Variants in MAPK1IP1L observed in about 807,000 individuals in gnomAD.
MAPK1IP1L encodes the protein mitogen-activated protein kinase 1 interacting protein 1 like.
In MAPK1IP1L, 10 loss-of-function variants were observed where a neutral mutation model predicts 18.1. The observed-to-expected ratio is 0.55, with a 90% confidence interval of 0.34 to 0.94. The LOEUF is 0.94. MAPK1IP1L is among the 40% of genes least tolerant of loss of function. MAPK1IP1L has a pLI of 0.02. For missense variants in MAPK1IP1L, 260 were observed against 318.2 expected (o/e 0.82, Z 1.39); for synonymous variants, 115 against 117.3 (o/e 0.98, Z 0.13).
chr14:55,054,300 C>A (rs2042753981), intron 1 of MAPK1IP1L, among the ~76,000 whole-genome samples: 1 of 151,122 alleles, frequency 6.6e-6, no homozygotes, highest in South Asian at 2.1e-4. Context: ...CCTTCCACCA[C>A]GCCCAGCTAA....
intron 1 of MAPK1IP1L, among the ~76,000 whole-genome samples, chr14:55,061,258 A>G (rs140981884): frequency 6.0e-4 from 92 of 152,366 alleles, no homozygotes; most frequent in African/African-American, 2.1e-3. Context: ...AAAAGGAGTT[A>G]GAGAAATGAG....
chr14:55,064,153 C>T (rs1247335702), intron 3 of MAPK1IP1L, among the ~76,000 whole-genome samples: 1 of 151,694 alleles, frequency 6.6e-6, no homozygotes, highest in Non-Finnish European at 1.5e-5. Flanking sequence ...TGCCACCACA[C>T]CGGCTCATTT....
At chr14:55,064,259 G>GC (rs902656139) in intron 3 of MAPK1IP1L, among the ~76,000 whole-genome samples, 2 of 151,074 alleles carry the variant, frequency 1.3e-5, no homozygotes, top group Non-Finnish European at 2.9e-5. Context: ...CTCCCAAAGT[G>GC]CTGGGATTAC....
intron 1 of MAPK1IP1L, among the ~76,000 whole-genome samples, chr14:55,054,569 G>A (rs907356989): frequency 6.6e-6 from 1 of 152,180 alleles, no homozygotes; most frequent in Non-Finnish European, 1.5e-5. Flanking sequence ...TATAGATTAA[G>A]TGTGTTACTA....
At chr14:55,058,387 A>G (rs1251818156) in intron 1 of MAPK1IP1L, among the ~76,000 whole-genome samples, 1 of 152,238 alleles carries the variant, frequency 6.6e-6, no homozygotes, top group Non-Finnish European at 1.5e-5. Flanking sequence ...TAGAAAATAC[A>G]GTAGAAGAAA....
Position 55,061,203 on chromosome 14 carries a change from T to C in MAPK1IP1L, c.-4-477T>C, listed in dbSNP as rs557041290. On this transcript the variant is annotated intron_variant, in intron 1 of 3. Coordinates refer to ENST00000395468, the MANE Select transcript of MAPK1IP1L (RefSeq NM_144578.4). ...GTTAAAATAAGACGCTAATTTTTAATATCTATTGTCATTATAAACAATAAA... is the reference window on the plus strand; with the variant it reads ...GTTAAAATAAGACGCTAATTTTTAACATCTATTGTCATTATAAACAATAAA... Among the ~76,000 whole-genome samples the C allele has an allele frequency of 8.5e-5, 13 of 152,336 alleles. No homozygotes were observed. In the South Asian group the frequency reaches 2.1e-3, roughly 24 times the overall value.
At chr14:55,056,634 T>C (rs898083947) in intron 1 of MAPK1IP1L, among the ~76,000 whole-genome samples, 16 of 152,146 alleles carry the variant, frequency 1.1e-4, no homozygotes, top group African/African-American at 3.6e-4. Context: ...CTCAGCCTCC[T>C]GAGTAGCTGG....
intron 1 of MAPK1IP1L, among the ~76,000 whole-genome samples, chr14:55,057,947 A>G (rs1594624117): frequency 6.6e-6 from 1 of 152,106 alleles, no homozygotes; most frequent in East Asian, 1.9e-4. Flanking sequence ...AAAAAAATTG[A>G]ATGAATGTGA....
intron 1 of MAPK1IP1L, among the ~76,000 whole-genome samples, chr14:55,058,781 G>C (rs775512536): frequency 8.5e-4 from 129 of 151,348 alleles, no homozygotes; most frequent in Non-Finnish European, 1.6e-3. Flanking sequence ...GCAGTGAGCT[G>C]ACATCATGCT....
intron 1 of MAPK1IP1L, among the ~76,000 whole-genome samples, chr14:55,061,447 A>G (rs961301351): frequency 1.3e-5 from 2 of 152,242 alleles, no homozygotes; most frequent in African/African-American, 4.8e-5. Flanking sequence ...AAGGTAAATT[A>G]AATTGCAAAT....
rs2042876554 is a variant in MAPK1IP1L, at chr14:55,067,800, TG to T, written c.*3175del. 6.6e-6 allele frequency: 1 copy of T among 152,210 alleles called. No individual in the cohort carries two copies. The highest frequency in any genetic ancestry group is 2.4e-5 in the African/African-American group (1 of 41,446). 9.4% of individuals were successfully genotyped at this position (152,210 alleles called of 1,614,324 possible). On this transcript the variant is annotated 3_prime_UTR_variant, in exon 4 of 4. Coordinates refer to ENST00000395468, the MANE Select transcript of MAPK1IP1L (RefSeq NM_144578.4). ...AAGACTGCTTGTTAGCAAGTATATTTGGTCTTGAGGGGGATACAGATTATAG... is the reference window on the plus strand; with the variant it reads ...AAGACTGCTTGTTAGCAAGTATATTTGTCTTGAGGGGGATACAGATTATAG...
rs1317715531 is a variant in MAPK1IP1L, at chr14:55,069,844, C to T, written c.*5217C>T. ...AGTCAGGGAACTTTCTCTGTCTGTC[C>T]CTACTCCCCTCACTCCCCCACTTTC... On this transcript the variant is annotated 3_prime_UTR_variant, in exon 4 of 4. Transcript: ENST00000395468. 2.0e-5 allele frequency: 3 copies of T among 152,092 alleles called. No individual in the cohort carries two copies. The highest frequency in any genetic ancestry group is 7.2e-5 in the African/African-American group (3 of 41,418). The allele number at this position is 152,092 out of a possible 1,614,324, so 9.4% of individuals were successfully genotyped here.
intron 1 of MAPK1IP1L, among the ~76,000 whole-genome samples, chr14:55,060,154 A>ATT (rs71131248): frequency 0.011 from 681 of 63,934 alleles, 44 homozygotes; most frequent in East Asian, 0.039. Flanking sequence ...TTTTGGAGAA[A>ATT]TTTTTTTTTT....
rs1312897294 is a variant in MAPK1IP1L, at chr14:55,068,849, A to G, written c.*4222A>G. ...TTGATCCAGGTTCTTTGCCAGCTAT[A>G]AGGGAATCCCTGTCCTTGAGAGGCT... On this transcript the variant is annotated 3_prime_UTR_variant, in exon 4 of 4. Transcript: ENST00000395468. The G allele has an allele frequency of 6.6e-6, 1 of 152,306 alleles. No homozygotes were observed. The highest frequency in any genetic ancestry group is 2.1e-4 in the South Asian group (1 of 4,824). 9.4% of individuals were successfully genotyped at this position (152,306 alleles called of 1,614,324 possible). A position where few individuals can be genotyped will look rare whatever the true frequency, so the allele number is the denominator to read the frequency against.
At chr14:55,061,544 A>G in intron 1 of MAPK1IP1L, 136 bp from the exon 2 acceptor site, 1 of 643,784 alleles carries the variant, frequency 1.6e-6, no homozygotes, top group Non-Finnish European at 2.6e-6. Flanking sequence ...ATGTAAAGAA[A>G]AACACATTAC....
intron 2 of MAPK1IP1L, among the ~76,000 whole-genome samples, chr14:55,062,183 G>A (rs183965581): frequency 2.0e-5 from 3 of 152,298 alleles, no homozygotes; most frequent in African/African-American, 4.8e-5. Context: ...CTGTGAAAGT[G>A]TACTACATGA....
chr14:55,057,090 A>T (rs181907722), intron 1 of MAPK1IP1L, among the ~76,000 whole-genome samples: 2,269 of 152,352 alleles, frequency 0.015, 21 homozygotes, highest in Non-Finnish European at 0.023. Flanking sequence ...GGCATAAATT[A>T]AAAATAATGT....
At chr14:55,052,016 C>T (rs2042732662) in intron 1 of MAPK1IP1L, among the ~76,000 whole-genome samples, 1 of 152,096 alleles carries the variant, frequency 6.6e-6, no homozygotes. Flanking sequence ...TGGGGATCGC[C>T]CCCCAGGGAG....
At chr14:55,061,017 G>A (rs2042813707) in intron 1 of MAPK1IP1L, among the ~76,000 whole-genome samples, 1 of 151,952 alleles carries the variant, frequency 6.6e-6, no homozygotes, top group Non-Finnish European at 1.5e-5. Flanking sequence ...GGGCATGATG[G>A]CACACACCTG....
Sources: gnomAD v4.1 joint callset for allele counts (sites outside exome capture counted in the v4.1 genomes callset) on GRCh38, gnomAD v4.1.1 for gene constraint, MANE v1.5 for transcripts, NCBI Gene and HGNC (gene_info 2026-07-23, HGNC 2026-07-21) for gene names.